U2AF2: variants seen among roughly 807,000 people sequenced by gnomAD.
U2AF2 encodes splicing factor U2AF 65 kDa subunit.
U2AF2 carries 6 observed loss-of-function variants against 52.6 expected under a neutral mutation model. That is an observed-to-expected ratio of 0.11 (90% confidence interval 0.06 to 0.23). U2AF2 has a LOEUF of 0.23. U2AF2 is among the 10% of genes least tolerant of loss of function. The pLI, the probability that U2AF2 is intolerant of heterozygous loss-of-function variation, is 1.00. For synonymous variants in U2AF2, 284 were observed against 258.2 expected (o/e 1.10, Z -0.96); for missense variants, 222 against 677.1 (o/e 0.33, Z 7.46).
chr19:55,657,743 C>G lies in U2AF2; in HGVS notation c.50-1467C>G, dbSNP rs958074052. ...ATGGTTCTAGCCAGACCTGAGTGTT[C>G]TGCCTGATCCACATTCGAGAGTATG... On this transcript the variant is annotated intron_variant, in intron 1 of 11. Coordinates refer to ENST00000308924, the MANE Select transcript of U2AF2 (RefSeq NM_007279.3). Among the ~76,000 whole-genome samples the G allele has an allele frequency of 2.0e-5, 3 of 152,312 alleles. No individual in the cohort carries two copies. In the East Asian group the frequency reaches 5.8e-4, roughly 29 times the overall value.
At chr19:55,672,551 T>C (rs1368388711) in intron 11 of U2AF2, among the ~76,000 whole-genome samples, 1 of 152,158 alleles carries the variant, frequency 6.6e-6, no homozygotes, top group African/African-American at 2.4e-5. Flanking sequence ...CCCAAAAGCA[T>C]CTCCAAAGAT....
chr19:55,659,046 C>G (rs574263004), intron 1 of U2AF2, 164 bp from the exon 2 acceptor site: 1 of 1,162,428 alleles, frequency 8.6e-7, no homozygotes, highest in Non-Finnish European at 1.1e-6. Flanking sequence ...TCCCTGGACT[C>G]GCTTGTGGAC....
intron 11 of U2AF2, 22 bp from the exon 12 acceptor site, chr19:55,673,912 C>G (rs772509682): frequency 1.0e-5 from 16 of 1,600,136 alleles, no homozygotes; most frequent in Non-Finnish European, 1.3e-5. Context: ...TGTTCACAAA[C>G]CTGCCTCTCC....
chr19:55,659,329 G>C lies in U2AF2; in HGVS notation c.169G>C (p.Asp57His). Residue 57 changes from aspartate to histidine, a missense_variant, in exon 2 of 12, where the codon GAC becomes CAC. Around this residue, in one of 4 missense-constraint regions of U2AF2, gnomAD observed 100 missense variants for 144.1 expected, o/e 0.69. Transcript: ENST00000308924. ...CCGGGACCAGCGGAGCGCCTCCCGGGACAGGCGACGACGCAGGTACTAGGG... is the reference window on the plus strand; with the variant it reads ...CCGGGACCAGCGGAGCGCCTCCCGGCACAGGCGACGACGCAGGTACTAGGG... ...RNRDQRSASR[D>H]RRRRSKPLTR... is the part of the protein sequence containing the mutation. The C allele has an allele frequency of 6.5e-7, 1 of 1,546,194 alleles. No homozygotes were observed. The highest frequency in any genetic ancestry group is 8.8e-7 in the Non-Finnish European group (1 of 1,142,760).
chr19:55,655,483 T>C (rs1199221756), intron 1 of U2AF2, among the ~76,000 whole-genome samples: 1 of 152,272 alleles, frequency 6.6e-6, no homozygotes, highest in East Asian at 1.9e-4. Flanking sequence ...TAAAATCTTT[T>C]TGGTTTCTCT....
Position 55,659,312 on chromosome 19 carries a change from A to C in U2AF2, c.152A>C (p.Gln51Pro), listed in dbSNP as rs1984002912. 1.3e-6 allele frequency: 2 copies of C among 1,579,158 alleles called. No individual in the cohort carries two copies. The highest frequency in any genetic ancestry group is 2.3e-5 in the East Asian group (1 of 43,122). ...AGCCGCGACCGGCGCAACCGGGACC[A>C]GCGGAGCGCCTCCCGGGACAGGCGA... ...SRSRDRRNRDQRSASRDRRRR... is the reference protein window; with the variant it reads ...SRSRDRRNRDPRSASRDRRRR... The change falls in exon 2 of 12, where the codon CAG (glutamine) becomes CCG (proline). Residue 51 changes from glutamine to proline, a missense_variant. This residue lies in a region of U2AF2 where 100 missense variants were observed against 144.1 expected (regional missense o/e 0.69). Coordinates refer to ENST00000308924, the MANE Select transcript of U2AF2 (RefSeq NM_007279.3).
At chr19:55,655,268 A>G in intron 1 of U2AF2, 115 bp downstream of exon 1, 1 of 1,178,512 alleles carries the variant, frequency 8.5e-7, no homozygotes, top group Non-Finnish European at 1.2e-6. Flanking sequence ...GGCGCCCCCC[A>G]ACCCTGGTTC....
intron 11 of U2AF2, among the ~76,000 whole-genome samples, chr19:55,672,244 A>G (rs1984969162): frequency 6.6e-6 from 1 of 152,170 alleles, no homozygotes; most frequent in Non-Finnish European, 1.5e-5. Flanking sequence ...TTTTTATCAT[A>G]GTATATGTGC....
chr19:55,659,192 C>A lies in U2AF2; in HGVS notation c.50-18C>A. On this transcript the variant is annotated intron_variant, in intron 1 of 11. Transcript: ENST00000308924. Reference sequence around the variant, plus strand: ...CTTACTCCGCTTATCCCGTGCCCCTCCTCTCACCCTTGCCCAGAGCGGGAC... The same window carrying A: ...CTTACTCCGCTTATCCCGTGCCCCTACTCTCACCCTTGCCCAGAGCGGGAC... 1.3e-6 allele frequency: 2 copies of A among 1,540,814 alleles called. No homozygotes were observed. Among genetic ancestry groups the A allele is most frequent in the Non-Finnish European group, 1.8e-6 (2 of 1,139,308 alleles).
Position 55,668,659 on chromosome 19 carries a change from G to C in U2AF2, c.823-11G>C, listed in dbSNP as rs1326749623. On this transcript the variant is annotated splice_polypyrimidine_tract_variant and intron_variant, in intron 8 of 11. Coordinates refer to ENST00000308924, the MANE Select transcript of U2AF2 (RefSeq NM_007279.3). The surrounding 1 kb of genome is among the most constrained non-coding windows in gnomAD (Gnocchi z 5.5). ...CTCATCCCAGCCCTGATGGACTCTCGGCTACTGCAGGTCAAAGAGCTGCTG... is the reference window on the plus strand; with the variant it reads ...CTCATCCCAGCCCTGATGGACTCTCCGCTACTGCAGGTCAAAGAGCTGCTG... 6.3e-7 allele frequency: 1 copy of C among 1,594,396 alleles called. No homozygotes were observed. Among genetic ancestry groups the C allele is most frequent in the African/African-American group, 1.4e-5 (1 of 73,080 alleles).
intron 1 of U2AF2, among the ~76,000 whole-genome samples, chr19:55,655,883 A>G (rs1983762855): frequency 6.6e-6 from 1 of 152,228 alleles, no homozygotes; most frequent in Admixed American, 6.5e-5. Context: ...GGCGGTCCCG[A>G]GAATCGCGAT....
intron 6 of U2AF2, among the ~76,000 whole-genome samples, 168 bp downstream of exon 6, chr19:55,662,786 C>A (rs1433766099): frequency 2.0e-5 from 3 of 152,046 alleles, no homozygotes; most frequent in Non-Finnish European, 4.4e-5. Context: ...CAGATCTGAT[C>A]CTACTTTCTG....
At chr19:55,672,868 C>T (rs1404423570) in intron 11 of U2AF2, among the ~76,000 whole-genome samples, 1 of 151,834 alleles carries the variant, frequency 6.6e-6, no homozygotes, top group Non-Finnish European at 1.5e-5. Context: ...TGGTCTCGAT[C>T]TCCTGACTTT....
At chr19:55,669,748 G>T (rs146566743) in intron 11 of U2AF2, 56 bp downstream of exon 11, 1 of 1,516,154 alleles carries the variant, frequency 6.6e-7, no homozygotes, top group Non-Finnish European at 8.8e-7. Context: ...TCTTCTCCGC[G>T]CCCTCTTTCT....
intron 5 of U2AF2, 23 bp from the exon 6 acceptor site, chr19:55,662,479 C>CCTT: frequency 1.4e-6 from 2 of 1,457,208 alleles, no homozygotes; most frequent in Non-Finnish European, 1.9e-6. Flanking sequence ...CGCCCCCCCC[C>CCTT]TTGTCTCCTA....
chr19:55,661,276 C>G, intron 5 of U2AF2, 87 bp downstream of exon 5: 1 of 1,343,292 alleles, frequency 7.4e-7, no homozygotes, highest in East Asian at 3.0e-5. Context: ...CCAACCTGCA[C>G]GGGTCAGACT....
intron 1 of U2AF2, among the ~76,000 whole-genome samples, chr19:55,657,955 C>G (rs375114033): frequency 3.9e-5 from 6 of 152,184 alleles, no homozygotes; most frequent in Non-Finnish European, 8.8e-5. Context: ...AGTACAGATT[C>G]CGGTTGTAGG....
intron 11 of U2AF2, among the ~76,000 whole-genome samples, chr19:55,673,034 C>T (rs1302930410): frequency 2.0e-5 from 3 of 151,920 alleles, no homozygotes; most frequent in African/African-American, 7.3e-5. Flanking sequence ...CCTTCACCTC[C>T]CGAGTTAAAG....
At chr19:55,669,733 C>T (rs759132516) in intron 11 of U2AF2, 41 bp downstream of exon 11, 3 of 1,548,584 alleles carry the variant, frequency 1.9e-6, no homozygotes, top group South Asian at 2.4e-5. Context: ...ACCCTCTGCC[C>T]CTCCTCTTCT....
Sources: gnomAD v4.1 joint callset for allele counts (sites outside exome capture counted in the v4.1 genomes callset) on GRCh38, gnomAD v4.1.1 for gene constraint, gnomAD v4.1.1 regional missense constraint, Gnocchi (gnomAD v3.1) non-coding constraint, MANE v1.5 for transcripts, NCBI Gene and HGNC (gene_info 2026-07-23, HGNC 2026-07-21) for gene names.